Variants in ZBTB20 observed in about 807,000 individuals in gnomAD.
The protein encoded by ZBTB20 is zinc finger and BTB domain-containing protein 20.
In ZBTB20, 9 loss-of-function variants were observed where a neutral mutation model predicts 56.9. The observed-to-expected ratio is 0.16, with a 90% CI of 0.10 to 0.28. The LOEUF (loss-of-function observed/expected upper bound fraction) is 0.28. ZBTB20 is among the 10% of genes least tolerant of loss of function. ZBTB20 has a pLI of 1.00. For missense variants in ZBTB20, 655 were observed against 1,003.0 expected, an observed-to-expected ratio of 0.65 and a Z score of 4.69; for synonymous variants, 417 against 420.7, an observed-to-expected ratio of 0.99 and a Z score of 0.11.
intron 4 of ZBTB20, among the ~76,000 whole-genome samples, chr3:114,880,353 C>T (rs1221737099): frequency 6.6e-6 from 1 of 152,134 alleles, no homozygotes; most frequent in African/African-American, 2.4e-5. Context: ...TCACTTACCT[C>T]TGCTTGACCT....
chr3:114,975,681 T>C (rs2078069285), intron 2 of ZBTB20, among the ~76,000 whole-genome samples: 1 of 151,832 alleles, frequency 6.6e-6, no homozygotes, highest in African/African-American at 2.4e-5. Flanking sequence ...CTAGGAGGAG[T>C]GAGACCAGAA....
chr3:114,851,392 CTT>C (rs2074992049), intron 4 of ZBTB20, among the ~76,000 whole-genome samples: 1 of 152,060 alleles, frequency 6.6e-6, no homozygotes, highest in African/African-American at 2.4e-5. Flanking sequence ...TTGTATTTCT[CTT>C]GAGTCTTTTC....
At chr3:114,592,520 A>G (rs945018238) in intron 6 of ZBTB20, among the ~76,000 whole-genome samples, 5 of 152,220 alleles carry the variant, frequency 3.3e-5, no homozygotes, top group Admixed American at 6.5e-5. Context: ...TTGGCAGAAA[A>G]GAGACAATGA....
chr3:114,510,334 T>G (rs920394128), intron 6 of ZBTB20, among the ~76,000 whole-genome samples: 6 of 152,196 alleles, frequency 3.9e-5, no homozygotes, highest in African/African-American at 1.4e-4. Flanking sequence ...AAAGGGTTCC[T>G]TTCTTGTTTC....
At chr3:114,932,770 T>G (rs974435611) in intron 3 of ZBTB20, among the ~76,000 whole-genome samples, 2 of 152,178 alleles carry the variant, frequency 1.3e-5, no homozygotes, top group Admixed American at 1.3e-4. Flanking sequence ...TTTGCAAAGA[T>G]AACCATCAAT....
chr3:114,608,338 C>A (rs1181573292), intron 6 of ZBTB20, among the ~76,000 whole-genome samples: 1 of 152,092 alleles, frequency 6.6e-6, no homozygotes, highest in African/African-American at 2.4e-5. Flanking sequence ...CCTAATCATA[C>A]CAATTGACTA....
rs577209574 is a variant in ZBTB20, at chr3:114,327,562, G to A, written c.*11443C>T. 6.6e-6 allele frequency: 1 copy of A among 152,182 alleles called. No homozygotes were observed. Among genetic ancestry groups the A allele is most frequent in the Non-Finnish European group, 1.5e-5 (1 of 68,000 alleles). 9.4% of individuals were successfully genotyped at this position (152,182 alleles called of 1,614,324 possible). ...AGCAATGTAAATATTGCCTTTAAGA[G>A]ATGTTGTTTTCCTACTAGATGCATG... On this transcript the variant is annotated 3_prime_UTR_variant, in exon 12 of 12. Transcript: ENST00000675478.
At chr3:114,916,029 C>T (rs186257619) in intron 3 of ZBTB20, among the ~76,000 whole-genome samples, 49 of 152,016 alleles carry the variant, frequency 3.2e-4, no homozygotes, top group Admixed American at 1.3e-3. Context: ...ATTTTGCAGC[C>T]GTTGGATGAA....
At chr3:115,119,866 A>G in intron 1 of ZBTB20, among the ~76,000 whole-genome samples, 1 of 152,284 alleles carries the variant, frequency 6.6e-6, no homozygotes, top group African/African-American at 2.4e-5. Flanking sequence ...TTAGCTAATA[A>G]AAGTCAATAG....
At chr3:114,538,848 A>C (rs550074778) in intron 6 of ZBTB20, among the ~76,000 whole-genome samples, 5 of 152,276 alleles carry the variant, frequency 3.3e-5, no homozygotes, top group Non-Finnish European at 7.4e-5. Flanking sequence ...AATCTCAAAA[A>C]TAATGATTAG....
At chr3:114,781,020 C>G (rs2070055535) in intron 5 of ZBTB20, among the ~76,000 whole-genome samples, 1 of 151,892 alleles carries the variant, frequency 6.6e-6, no homozygotes. Context: ...AAATATTATT[C>G]TATAAAGAAA....
chr3:115,146,861 C>G (rs1452245269), intron 1 of ZBTB20, among the ~76,000 whole-genome samples: 2 of 151,792 alleles, frequency 1.3e-5, no homozygotes, highest in African/African-American at 2.4e-5. Flanking sequence ...GCAGAAGACA[C>G]GTTTCCAGCT....
intron 4 of ZBTB20, 101 bp from the exon 5 acceptor site, chr3:114,801,275 T>C (rs550363791): frequency 6.6e-6 from 1 of 150,406 alleles, no homozygotes; most frequent in East Asian, 2.0e-4. Context: ...AAGCAATGCA[T>C]TATCAGTCAA....
At chr3:114,842,852 G>T (rs1230008466) in intron 4 of ZBTB20, among the ~76,000 whole-genome samples, 1 of 152,110 alleles carries the variant, frequency 6.6e-6, no homozygotes, top group African/African-American at 2.4e-5. Flanking sequence ...TCAAACTGTG[G>T]AATTCCTGCA....
At chr3:114,650,450 C>T (rs1458248215) in intron 6 of ZBTB20, among the ~76,000 whole-genome samples, 2 of 135,536 alleles carry the variant, frequency 1.5e-5, no homozygotes, top group Non-Finnish European at 1.5e-5. Flanking sequence ...GAAATATTAA[C>T]ATCTATTTAC....
chr3:114,386,460 C>G (rs1213464673), intron 8 of ZBTB20, among the ~76,000 whole-genome samples: 2 of 151,966 alleles, frequency 1.3e-5, no homozygotes, highest in Admixed American at 1.3e-4. Flanking sequence ...AGAGATAGCA[C>G]CAGGTACTAG....
chr3:114,398,507 A>G (rs562219476), intron 7 of ZBTB20, among the ~76,000 whole-genome samples: 1 of 152,260 alleles, frequency 6.6e-6, no homozygotes, highest in South Asian at 2.1e-4. Context: ...CCTGAAAATG[A>G]TACCATGTGT....
At chr3:114,636,204 A>G (rs1031511777) in intron 6 of ZBTB20, among the ~76,000 whole-genome samples, 3 of 152,132 alleles carry the variant, frequency 2.0e-5, no homozygotes, top group Non-Finnish European at 4.4e-5. Context: ...ATCCTTCAAT[A>G]ATAAAGAAGA....
chr3:114,879,278 T>C (rs1206340218), intron 4 of ZBTB20, among the ~76,000 whole-genome samples: 2 of 152,176 alleles, frequency 1.3e-5, no homozygotes, highest in African/African-American at 2.4e-5. Flanking sequence ...TTCCACCTGG[T>C]GAGAAGAAGC....
Sources: allele counts gnomAD v4.1 joint callset (sites outside exome capture counted in the v4.1 genomes callset), GRCh38; gene constraint gnomAD v4.1.1; transcripts MANE v1.5; gene names NCBI Gene and HGNC (gene_info 2026-07-23, HGNC 2026-07-21).